Variants in UBE3B observed in about 807,000 individuals in gnomAD.
UBE3B encodes ubiquitin-protein ligase E3B.
UBE3B carries 80 observed loss-of-function variants against 132.3 expected under a neutral mutation model. That is an observed-to-expected ratio of 0.60 (90% CI 0.50 to 0.73). The LOEUF (loss-of-function observed/expected upper bound fraction) is 0.73, where lower values mean the gene tolerates loss of function less well. UBE3B is among the 30% of genes least tolerant of loss of function. The pLI, the probability that UBE3B is intolerant of heterozygous loss-of-function variation, is 0.00. For missense variants in UBE3B, 1,196 were observed against 1,362.5 expected (o/e 0.88, Z 1.92); for synonymous variants, 487 against 520.4 (o/e 0.94, Z 0.87).
At chr12:109,503,689 G>A (rs1879292366) in intron 14 of UBE3B, among the ~76,000 whole-genome samples, 1 of 152,146 alleles carries the variant, frequency 6.6e-6, no homozygotes, top group Non-Finnish European at 1.5e-5. Flanking sequence ...TCATCACATG[G>A]ATATGCCCAA....
At chr12:109,492,159 C>T (rs1877552163) in intron 9 of UBE3B, 1 of 152,170 alleles carries the variant, frequency 6.6e-6, no homozygotes, top group Admixed American at 6.5e-5. Context: ...ACTTTATTTA[C>T]AAAAATAGGC....
downstream of UBE3B, among the ~76,000 whole-genome samples, chr12:109,539,969 T>TG (rs1050530807): frequency 1.3e-5 from 2 of 151,838 alleles, no homozygotes; most frequent in African/African-American, 4.8e-5. Context: ...CATACTGGGA[T>TG]GGGGTCTGTG....
chr12:109,523,973 C>G lies in UBE3B; in HGVS notation c.2365-5C>G. ...ATGGACAGCTCTGCTTCTCTGCTCT[C>G]CCAGGGAATTGTGGTGGACGTGCCA... On this transcript the variant is annotated splice_polypyrimidine_tract_variant and splice_region_variant and intron_variant, in intron 21 of 27. Coordinates refer to ENST00000342494, the MANE Select transcript of UBE3B (RefSeq NM_130466.4). 2 of 1,613,798 alleles carry G rather than the reference C, an allele frequency of 1.2e-6. No homozygotes were observed. Among genetic ancestry groups the G allele is most frequent in the Non-Finnish European group, 1.7e-6 (2 of 1,180,018 alleles).
At chr12:109,484,241 A>C (rs1315355965) in intron 4 of UBE3B, among the ~76,000 whole-genome samples, 1 of 152,214 alleles carries the variant, frequency 6.6e-6, no homozygotes, top group Non-Finnish European at 1.5e-5. Flanking sequence ...GAGTAAAAAA[A>C]ACATATATGA....
At chr12:109,500,598 G>A (rs948258420) in intron 12 of UBE3B, among the ~76,000 whole-genome samples, 5 of 152,216 alleles carry the variant, frequency 3.3e-5, no homozygotes, top group Admixed American at 6.5e-5. Flanking sequence ...AGGATGGGGC[G>A]GAGGTGCTGA....
At chr12:109,487,547 T>C (rs915806108) in intron 6 of UBE3B, among the ~76,000 whole-genome samples, 6 of 152,178 alleles carry the variant, frequency 3.9e-5, no homozygotes, top group Non-Finnish European at 8.8e-5. Flanking sequence ...ACTATGTTCC[T>C]CGGAGCCCTG....
At chr12:109,507,520 T>C in intron 14 of UBE3B, 44 bp from the exon 15 acceptor site, 1 of 1,586,068 alleles carries the variant, frequency 6.3e-7, no homozygotes, top group Non-Finnish European at 8.6e-7. Context: ...ACAGACCAGG[T>C]GGAGTCTCCA....
intron 26 of UBE3B, among the ~76,000 whole-genome samples, 168 bp from the exon 27 acceptor site, chr12:109,533,298 C>T (rs1316824236): frequency 6.6e-6 from 1 of 152,038 alleles, no homozygotes; most frequent in Non-Finnish European, 1.5e-5. Context: ...AGATGTACGG[C>T]GTGTGCCAGT....
At chr12:109,487,022 T>C (rs908469653) in intron 6 of UBE3B, among the ~76,000 whole-genome samples, 1 of 152,192 alleles carries the variant, frequency 6.6e-6, no homozygotes, top group Non-Finnish European at 1.5e-5. Flanking sequence ...CTCCCTCTCA[T>C]TCTTTTCTCT....
intron 13 of UBE3B, 139 bp from the exon 14 acceptor site, chr12:109,502,882 AAT>A (rs1879168938): frequency 1.0e-5 from 10 of 993,824 alleles, no homozygotes; most frequent in Non-Finnish European, 1.5e-5. Flanking sequence ...ATCCCAAAGA[AAT>A]GCCTTGAATT....
chr12:109,506,846 A>G (rs1170432324), intron 14 of UBE3B, among the ~76,000 whole-genome samples: 2 of 152,220 alleles, frequency 1.3e-5, no homozygotes, highest in Non-Finnish European at 2.9e-5. Flanking sequence ...GTATTTTTGT[A>G]ACAAATAGCT....
chr12:109,486,041 G>T lies in UBE3B; in HGVS notation c.312G>T (p.Leu104=). The T allele has an allele frequency of 6.4e-7, 1 of 1,555,356 alleles. No homozygotes were observed. ...ERFEKLCRSI[L]SSMDAENEPK... ...TTGAGAAGTTGTGTCGCAGCATCCT[G>T]AGCAGCATGGATGCTGAGAATGAGC... Residue 104 remains leucine (L), a synonymous_variant, in exon 5 of 28, where the codon CTG becomes CTT. Transcript: ENST00000342494.
At chr12:109,485,625 A>T (rs1876305639) in intron 4 of UBE3B, among the ~76,000 whole-genome samples, 1 of 152,234 alleles carries the variant, frequency 6.6e-6, no homozygotes. Flanking sequence ...GCTGTGAGGC[A>T]AAAGTCAGTA....
At chr12:109,508,399 G>C (rs987884797) in intron 15 of UBE3B, 1 of 480,088 alleles carries the variant, frequency 2.1e-6, no homozygotes. Flanking sequence ...AAAAAACAGC[G>C]TCAAATACTT....
rs78938775 is a variant in UBE3B at position 109,534,294 on chromosome 12, C to T, written c.3016-297C>T. On this transcript the variant is annotated intron_variant, in intron 27 of 27. Transcript: ENST00000342494. This position sits in a 1 kb window ranked among gnomAD's most constrained non-coding sequence, Gnocchi z 5.2. Reference sequence around the variant, plus strand: ...ACCTAACAGTTTTTACAGCATTCTACTTTTTGTCAATTGGTTAACCAGTAA... The same window carrying T: ...ACCTAACAGTTTTTACAGCATTCTATTTTTTGTCAATTGGTTAACCAGTAA... The T allele has an allele frequency of 5.0e-4, 687 of 1,375,556 alleles. 1 individual carries two copies. The African/African-American group carries it at 6.7e-3, about 13-fold the overall frequency. The allele number at this position is 1,375,556 out of a possible 1,614,324, so 85.2% of individuals were successfully genotyped here.
chr12:109,504,907 G>T (rs780034708), intron 14 of UBE3B, among the ~76,000 whole-genome samples: 13 of 151,586 alleles, frequency 8.6e-5, no homozygotes, highest in African/African-American at 2.4e-4. Context: ...CCAGGTTCAC[G>T]CCATTCTCCT....
At chr12:109,489,895 GT>G in intron 7 of UBE3B, 23 bp from the exon 8 acceptor site, 3 of 1,610,070 alleles carry the variant, frequency 1.9e-6, no homozygotes, top group Non-Finnish European at 2.5e-6. Flanking sequence ...AGACTTTTTT[GT>G]TCTCACTGTT....
Position 109,521,633 on chromosome 12 carries a change from G to C in UBE3B, c.2364+82G>C, listed in dbSNP as rs1023334563. The C allele has an allele frequency of 2.7e-5, 36 of 1,309,152 alleles. No individual in the cohort carries two copies. Among genetic ancestry groups the C allele is most frequent in the Middle Eastern group, 1.9e-4 (1 of 5,222 alleles). The allele number at this position is 1,309,152 out of a possible 1,614,324, so 81.1% of individuals were successfully genotyped here. The stretch of plus-strand genomic sequence containing the variant: ...TTCTTCACATACACATATGTGATCA[G>C]GCTTGGCCATGTAAACTGTCACTAG... On this transcript the variant is annotated intron_variant, in intron 21 of 27. Coordinates refer to ENST00000342494, the MANE Select transcript of UBE3B (RefSeq NM_130466.4). This position sits in a 1 kb window ranked among gnomAD's most constrained non-coding sequence, Gnocchi z 4.2.
intron 21 of UBE3B, among the ~76,000 whole-genome samples, chr12:109,523,079 G>A (rs1046901094): frequency 1.3e-5 from 2 of 152,186 alleles, no homozygotes; most frequent in African/African-American, 4.8e-5. Context: ...GTGCTGACGA[G>A]AGAAGATGGG....
Sources: gnomAD v4.1 joint callset for allele counts (sites outside exome capture counted in the v4.1 genomes callset) on GRCh38, gnomAD v4.1.1 for gene constraint, Gnocchi (gnomAD v3.1) non-coding constraint, MANE v1.5 for transcripts, NCBI Gene and HGNC (gene_info 2026-07-23, HGNC 2026-07-21) for gene names.